Variants in C12orf42 observed in about 807,000 individuals in gnomAD.
The protein encoded by C12orf42 is uncharacterized protein C12orf42.
A neutral mutation model predicts 21.6 loss-of-function variants in C12orf42; 25 were observed. The observed-to-expected ratio is 1.16, with a 90% CI of 0.84 to 1.62. The LOEUF (loss-of-function observed/expected upper bound fraction) is 1.62. Among genes scored for constraint, C12orf42 ranks in the 40% most tolerant of loss-of-function variants. The pLI is 0.00. For synonymous variants in C12orf42, 174 were observed against 175.0 expected (o/e 0.99, Z 0.05); for missense variants, 483 against 459.3 (o/e 1.05, Z -0.47).
chr12:103,547,619 T>C, the C12orf42 span, among the ~76,000 whole-genome samples: 1 of 152,232 alleles, frequency 6.6e-6, no homozygotes. Context: ...GGGAAAGATA[T>C]GTGATCTGCT....
chr12:103,187,553 T>C, the C12orf42 span, among the ~76,000 whole-genome samples: 12 of 152,328 alleles, frequency 7.9e-5, no homozygotes, highest in South Asian at 2.5e-3. Context: ...CTTTAAAACA[T>C]ATACTTTTGT....
the C12orf42 span, among the ~76,000 whole-genome samples, chr12:103,532,427 A>G: frequency 6.6e-6 from 1 of 152,188 alleles, no homozygotes; most frequent in Admixed American, 6.5e-5. Flanking sequence ...TGTACAAAAT[A>G]TTGATTATGG....
chr12:103,277,113 A>T (rs1478217580), intron 5 of C12orf42: 10 of 455,596 alleles, frequency 2.2e-5, no homozygotes, highest in South Asian at 1.6e-4. Context: ...AAAATTCAAC[A>T]ACTTACGCTA....
At chr12:103,160,056 C>T in the C12orf42 span, among the ~76,000 whole-genome samples, 4 of 152,104 alleles carry the variant, frequency 2.6e-5, no homozygotes, top group Non-Finnish European at 4.4e-5. Flanking sequence ...TTGTGTTTGA[C>T]GTATAATCAC....
At chr12:103,167,902 GTGTGTGTGTGTT>G in the C12orf42 span, 3,985 of 331,150 alleles carry the variant, frequency 0.012, 101 homozygotes, top group African/African-American at 0.059. Context: ...GTGTGTGTGT[GTGTGTGTGTGTT>G]TGTGTCTGTG....
the C12orf42 span, among the ~76,000 whole-genome samples, chr12:103,087,064 CT>C: frequency 6.6e-6 from 1 of 152,022 alleles, no homozygotes; most frequent in Non-Finnish European, 1.5e-5. Flanking sequence ...TTTCTGCTTT[CT>C]TTTTTTCTCT....
At chr12:103,350,680 C>T (rs938592090) in intron 4 of C12orf42, among the ~76,000 whole-genome samples, 2 of 152,064 alleles carry the variant, frequency 1.3e-5, no homozygotes, top group African/African-American at 4.8e-5. Context: ...AACTCTTATA[C>T]TTTTTCAGTC....
the C12orf42 span, among the ~76,000 whole-genome samples, chr12:103,060,705 C>CA: frequency 6.6e-6 from 1 of 152,074 alleles, no homozygotes; most frequent in Admixed American, 6.6e-5. Flanking sequence ...CACAAACCAA[C>CA]AAAAACAAGC....
chr12:103,342,823 C>T (rs754437651), intron 4 of C12orf42, among the ~76,000 whole-genome samples: 4 of 152,080 alleles, frequency 2.6e-5, no homozygotes, highest in Non-Finnish European at 5.9e-5. Context: ...TGTCCTGACA[C>T]AGAGGTCTCC....
the C12orf42 span, among the ~76,000 whole-genome samples, chr12:103,226,803 G>T: frequency 6.6e-6 from 1 of 152,188 alleles, no homozygotes; most frequent in Non-Finnish European, 1.5e-5. Context: ...AACGACGCTT[G>T]TGGTTGGTAC....
the C12orf42 span, among the ~76,000 whole-genome samples, chr12:103,142,796 T>C: frequency 6.6e-6 from 1 of 152,186 alleles, no homozygotes; most frequent in East Asian, 1.9e-4. Flanking sequence ...ATAACTCAAC[T>C]TGTGCAGCAA....
the C12orf42 span, among the ~76,000 whole-genome samples, chr12:103,073,174 T>C: frequency 1.3e-4 from 20 of 152,048 alleles, no homozygotes; most frequent in Admixed American, 1.2e-3. Context: ...TGGGACCTAT[T>C]GGAGGATGGA....
the C12orf42 span, among the ~76,000 whole-genome samples, chr12:103,125,819 T>C: frequency 4.8e-4 from 73 of 152,258 alleles, 1 homozygote; most frequent in African/African-American, 1.7e-3. Context: ...CACTGAAAAC[T>C]GGAAAAGAAT....
the C12orf42 span, among the ~76,000 whole-genome samples, chr12:103,187,445 A>G: frequency 2.6e-5 from 4 of 152,232 alleles, no homozygotes; most frequent in African/African-American, 4.8e-5. Context: ...GCTAAGCTGT[A>G]TCTCAGAAAG....
At chr12:103,300,192 G>A (rs534940704), downstream of C12orf42, among the ~76,000 whole-genome samples, 32 of 152,264 alleles carry the variant, frequency 2.1e-4, no homozygotes, top group African/African-American at 7.7e-4. Flanking sequence ...ACACGTATGT[G>A]TTTACACACA....
chr12:103,135,836 A>C, the C12orf42 span, among the ~76,000 whole-genome samples: 1 of 152,196 alleles, frequency 6.6e-6, no homozygotes, highest in African/African-American at 2.4e-5. Flanking sequence ...ACACAGTAAG[A>C]CCATTTGATA....
intron 1 of C12orf42, among the ~76,000 whole-genome samples, chr12:103,482,973 AT>A (rs1408978875): frequency 6.6e-6 from 1 of 152,036 alleles, no homozygotes; most frequent in African/African-American, 2.4e-5. Flanking sequence ...TACTTTATGC[AT>A]CTGTTTCTTG....
At chr12:103,475,204 C>T (rs1352151527) in intron 2 of C12orf42, among the ~76,000 whole-genome samples, 2 of 152,128 alleles carry the variant, frequency 1.3e-5, no homozygotes, top group African/African-American at 4.8e-5. Flanking sequence ...AGGCTTTTGC[C>T]GCGGCTTCCT....
At chr12:103,292,993 T>C (rs1055701948) in intron 4 of C12orf42, among the ~76,000 whole-genome samples, 4 of 152,030 alleles carry the variant, frequency 2.6e-5, no homozygotes, top group African/African-American at 9.7e-5. Flanking sequence ...AAAAACACCA[T>C]AGAATTCATT....
Sources: gnomAD v4.1 joint callset for allele counts (sites outside exome capture counted in the v4.1 genomes callset) on GRCh38, gnomAD v4.1.1 for gene constraint, MANE v1.5 for transcripts, NCBI Gene and HGNC (gene_info 2026-07-23, HGNC 2026-07-21) for gene names.